The following CRISPLD2 variants were observed in gnomAD, a reference collection of about 807,000 sequenced individuals.
CRISPLD2 encodes the protein cysteine-rich secretory protein LCCL domain-containing 2.
Under a neutral mutation model 71.1 loss-of-function variants are expected in CRISPLD2, and 47 were observed. That is an observed-to-expected ratio of 0.66 (90% confidence interval 0.52 to 0.84). The LOEUF is 0.84. Among genes scored for constraint, CRISPLD2 ranks in the 40% least tolerant of loss-of-function variants. CRISPLD2 has a pLI of 0.00. For synonymous variants in CRISPLD2, 317 were observed against 250.1 expected (o/e 1.27, Z -2.52); for missense variants, 830 against 651.1 (o/e 1.27, Z -2.99).
chr16:84,880,799 A>G (rs774200), intron 13 of CRISPLD2: 234,252 of 395,386 alleles, frequency 0.59, 72,643 homozygotes, highest in African/African-American at 0.83. Context: ...TCTGCCTCCC[A>G]GGTTCAAACG....
intron 12 of CRISPLD2, among the ~76,000 whole-genome samples, chr16:84,879,054 AG>A (rs1332153108): frequency 2.0e-5 from 3 of 152,246 alleles, no homozygotes; most frequent in African/African-American, 7.2e-5. Flanking sequence ...GAGCAGGGAA[AG>A]GCCCAGGAGG....
At chr16:84,884,649 A>C (rs954800701) in intron 13 of CRISPLD2, among the ~76,000 whole-genome samples, 2 of 152,138 alleles carry the variant, frequency 1.3e-5, no homozygotes, top group South Asian at 4.1e-4. Context: ...AGAAAGGAGG[A>C]AAGGTGTTTG....
chr16:84,849,968 C>T (rs953787100), intron 4 of CRISPLD2, among the ~76,000 whole-genome samples: 1 of 151,330 alleles, frequency 6.6e-6, no homozygotes, highest in Admixed American at 6.6e-5. Flanking sequence ...TCATGCAATC[C>T]TCCCCGCTCA....
intron 4 of CRISPLD2, among the ~76,000 whole-genome samples, chr16:84,849,748 C>T (rs1159218389): frequency 6.7e-6 from 1 of 148,870 alleles, no homozygotes; most frequent in African/African-American, 2.5e-5. Context: ...CAGTGTCTCC[C>T]TGCTACCTGG....
chr16:84,879,833 C>T (rs1334512241), intron 12 of CRISPLD2, among the ~76,000 whole-genome samples: 1 of 152,192 alleles, frequency 6.6e-6, no homozygotes, highest in East Asian at 1.9e-4. Context: ...ATTTTGGTTT[C>T]TTGGTCCCTG....
chr16:84,852,152 C>T (rs1917106791), intron 5 of CRISPLD2, among the ~76,000 whole-genome samples: 1 of 152,226 alleles, frequency 6.6e-6, no homozygotes, highest in South Asian at 2.1e-4. Flanking sequence ...CCTATTGGGT[C>T]AGGACTTCAC....
At chr16:84,903,578 C>T (rs1478723702) in intron 14 of CRISPLD2, among the ~76,000 whole-genome samples, 2 of 145,970 alleles carry the variant, frequency 1.4e-5, no homozygotes, top group Non-Finnish European at 1.5e-5. Flanking sequence ...GGCAACAGGG[C>T]GAGACTCTGT....
chr16:84,843,718 AG>A (rs1488912631), intron 2 of CRISPLD2, among the ~76,000 whole-genome samples: 3 of 152,228 alleles, frequency 2.0e-5, no homozygotes, highest in African/African-American at 7.2e-5. Flanking sequence ...AGCATATTTT[AG>A]TAACTTATGA....
In CRISPLD2 at chr16:84,867,051, G is replaced by T. The variant is rs563094462; in HGVS notation, c.853+11G>T. ...CGGTCAACTACATGAGTGAGTCTAG[G>T]CCGTCCTCCGCCCCTCCTGCCCTCC... On this transcript the variant is annotated intron_variant, in intron 7 of 14. Coordinates refer to ENST00000262424, the MANE Select transcript of CRISPLD2 (RefSeq NM_031476.4). The T allele has an allele frequency of 6.2e-7, 1 of 1,609,868 alleles. No individual in the cohort carries two copies. The highest frequency in any genetic ancestry group is 1.1e-5 in the South Asian group (1 of 91,024).
chr16:84,844,591 G>A (rs1051307462), intron 2 of CRISPLD2, among the ~76,000 whole-genome samples: 1 of 151,750 alleles, frequency 6.6e-6, no homozygotes, highest in Non-Finnish European at 1.5e-5. Context: ...TCCAACTCCT[G>A]ACCTCAAGTG....
rs1239115398 is a variant in CRISPLD2 at position 84,838,667 on chromosome 16, G to T, written c.172G>T (p.Glu58Ter). The T allele has an allele frequency of 2.5e-6, 4 of 1,614,232 alleles. No homozygotes were observed. In the East Asian group the frequency reaches 8.9e-5, roughly 36 times the overall value. ...RRAIPREDKE[E>*]ILMLHNKLRG... ...AGCCATCCCCAGGGAGGACAAGGAG[G>T]AGATCCTCATGCTGCACAACAAGCT... The change falls in exon 2 of 15, where the codon GAG becomes TAG. Residue 58 changes from glutamate to a stop codon, truncating the protein, a stop_gained. Transcript: ENST00000262424. LOFTEE classifies it high-confidence loss of function.
rs1411906418 is a variant in CRISPLD2, at chr16:84,907,048, G to A, written c.*406G>A. 9.1e-6 allele frequency: 2 copies of A among 219,208 alleles called. No homozygotes were observed. The highest frequency in any genetic ancestry group is 1.3e-4 in the East Asian group (1 of 7,582). 13.6% of individuals were successfully genotyped at this position (219,208 alleles called of 1,614,324 possible). Reference sequence around the variant, plus strand: ...AGCTCACAATTGTGAAGCATTCACGGCGTCGGAAGAGGCCTTTTGAGCAAG... The same window carrying A: ...AGCTCACAATTGTGAAGCATTCACGACGTCGGAAGAGGCCTTTTGAGCAAG... On this transcript the variant is annotated 3_prime_UTR_variant, in exon 15 of 15. Coordinates refer to ENST00000262424, the MANE Select transcript of CRISPLD2 (RefSeq NM_031476.4).
chr16:84,904,930 A>T (rs2143396826), intron 14 of CRISPLD2, among the ~76,000 whole-genome samples: 1 of 152,358 alleles, frequency 6.6e-6, no homozygotes, highest in Admixed American at 6.5e-5. Context: ...ACAATCTATA[A>T]ATGAAAACAA....
chr16:84,841,602 CT>C lies in CRISPLD2; in HGVS notation c.240+2878del, dbSNP rs376161926. Among the ~76,000 whole-genome samples, 610 of 146,692 alleles carry C rather than the reference CT, an allele frequency of 4.2e-3. 3 individuals carry two copies. The highest frequency in any genetic ancestry group is 0.014 in the African/African-American group (564 of 40,282). On this transcript the variant is annotated intron_variant, in intron 2 of 14. Coordinates refer to ENST00000262424, the MANE Select transcript of CRISPLD2 (RefSeq NM_031476.4). ...AGGATGCATTTATGACTGTGAAGCA[CT>C]TTTTTTTTTTGAGACAGAGTCTCGC...
At chr16:84,845,525 C>G (rs1304443325) in intron 2 of CRISPLD2, among the ~76,000 whole-genome samples, 1 of 152,236 alleles carries the variant, frequency 6.6e-6, no homozygotes, top group Non-Finnish European at 1.5e-5. Context: ...TCCTGTTTCA[C>G]AGACACTGAG....
chr16:84,853,914 C>T (rs1467664658), intron 5 of CRISPLD2, among the ~76,000 whole-genome samples: 4 of 152,252 alleles, frequency 2.6e-5, no homozygotes, highest in Non-Finnish European at 5.9e-5. Flanking sequence ...GCCGGGGAGC[C>T]TGCTCTTCAC....
At chr16:84,903,847 C>T (rs2071777158) in intron 14 of CRISPLD2, among the ~76,000 whole-genome samples, 1 of 152,286 alleles carries the variant, frequency 6.6e-6, no homozygotes, top group South Asian at 2.1e-4. Flanking sequence ...AAGTGTGGAC[C>T]TCAGATAAGA....
intron 2 of CRISPLD2, chr16:84,839,698 C>A (rs1916720461): frequency 6.6e-6 from 1 of 152,246 alleles, no homozygotes; most frequent in Admixed American, 6.5e-5. Flanking sequence ...AGGAATGGAC[C>A]ACAGTCTTCC....
chr16:84,887,514 C>T (rs767005431), intron 13 of CRISPLD2, among the ~76,000 whole-genome samples: 2 of 152,202 alleles, frequency 1.3e-5, no homozygotes, highest in East Asian at 3.8e-4. Context: ...CAGGCGAGTC[C>T]GTGAGCCTGG....
Sources: gnomAD v4.1 joint callset for allele counts (sites outside exome capture counted in the v4.1 genomes callset) on GRCh38, gnomAD v4.1.1 for gene constraint, MANE v1.5 for transcripts, NCBI Gene and HGNC (gene_info 2026-07-23, HGNC 2026-07-21) for gene names.